Variants in RNF166 observed in about 807,000 individuals in gnomAD.
RNF166 encodes the protein E3 ubiquitin-protein ligase RNF166.
A neutral mutation model predicts 29.4 loss-of-function variants in RNF166; 19 were observed. The ratio of observed to expected loss-of-function variants is 0.65; its 90% CI spans 0.45 to 0.95. RNF166 has a LOEUF of 0.95. Among genes scored for constraint, RNF166 ranks in the 40% least tolerant of loss-of-function variants. The pLI is 0.00. For missense variants in RNF166, 347 were observed against 322.1 expected (o/e 1.08, Z -0.59); for synonymous variants, 171 against 134.5 (o/e 1.27, Z -1.88).
Position 88,705,134 on chromosome 16 carries a change from A to C in RNF166, c.155+1037T>G, listed in dbSNP as rs188043819. Reference sequence around the variant, plus strand: ...CGTGGGCAGGCGCCTGTGCTGCCTGACACAGGTAATGAAGGCAGCTCTGCA... The same window carrying C: ...CGTGGGCAGGCGCCTGTGCTGCCTGCCACAGGTAATGAAGGCAGCTCTGCA... On this transcript the variant is annotated intron_variant, in intron 1 of 5. Coordinates refer to ENST00000312838, the MANE Select transcript of RNF166 (RefSeq NM_178841.4). Among the ~76,000 whole-genome samples, 45 of 152,346 alleles carry C rather than the reference A, an allele frequency of 3.0e-4. No homozygotes were observed. In the East Asian group the frequency reaches 4.4e-3, roughly 15 times the overall value.
intron 5 of RNF166, chr16:88,697,845 G>C (rs941041668): frequency 3.7e-6 from 2 of 536,814 alleles, no homozygotes; most frequent in Non-Finnish European, 6.7e-6. Context: ...CGCTGGGTAC[G>C]GGGGCACTCG....
chr16:88,702,601 C>A (rs1181463184), intron 1 of RNF166, among the ~76,000 whole-genome samples: 1 of 152,244 alleles, frequency 6.6e-6, no homozygotes, highest in African/African-American at 2.4e-5. Context: ...TTAAGTCCCT[C>A]CTGCTGTCCC....
Position 88,696,570 on chromosome 16 carries a change from A to G in RNF166, c.*998T>C. On this transcript the variant is annotated 3_prime_UTR_variant, in exon 6 of 6. Coordinates refer to ENST00000312838, the MANE Select transcript of RNF166 (RefSeq NM_178841.4). The stretch of plus-strand genomic sequence containing the variant: ...CAGCAATAATTAATGCCAAGAACAG[A>G]AAAGAATGTTGACGTGTTGCCCGGC... 2.2e-6 allele frequency: 1 copy of G among 451,522 alleles called. No homozygotes were observed. The highest frequency in any genetic ancestry group is 1.6e-5 in the South Asian group (1 of 63,392). 28.0% of individuals were successfully genotyped at this position (451,522 alleles called of 1,614,324 possible). A position where few individuals can be genotyped will look rare whatever the true frequency, so the allele number is the denominator to read the frequency against.
chr16:88,702,848 C>T lies in RNF166; in HGVS notation c.156-1430G>A, dbSNP rs575031277. 8.7e-5 allele frequency: 86 copies of T among 985,408 alleles called. No individual in the cohort carries two copies. The East Asian group carries it at 1.7e-3, about 20-fold the overall frequency. 61.0% of individuals were successfully genotyped at this position (985,408 alleles called of 1,614,324 possible). A position where few individuals can be genotyped will look rare whatever the true frequency, so the allele number is the denominator to read the frequency against. On this transcript the variant is annotated intron_variant, in intron 1 of 5. Transcript: ENST00000312838. ...CTGGCACTGACCCCTGGATTTGAGC[C>T]GGGGGGGCCGCCTACTTCACCCGTT... is the stretch of plus-strand genomic sequence containing the variant.
At position 88,706,392 on chromosome 16, in the gene RNF166, C is replaced by G; in HGVS notation, c.-67G>C. The G allele has an allele frequency of 8.2e-7, 1 of 1,213,560 alleles. No homozygotes were observed. The highest frequency in any genetic ancestry group is 1.0e-6 in the Non-Finnish European group (1 of 968,504). 75.2% of individuals were successfully genotyped at this position (1,213,560 alleles called of 1,614,324 possible). The stretch of plus-strand genomic sequence containing the variant: ...CCCGGGCCGGCCCGCTAGTCACAGC[C>G]GCTACTGCGCCGCGCTGACGTCATC... On this transcript the variant is annotated 5_prime_UTR_variant, in exon 1 of 6. Transcript: ENST00000312838.
In RNF166 at chr16:88,706,209, G is replaced by C. The variant is rs1050276800; in HGVS notation, c.117C>G (p.Val39=). 28 of 1,314,966 alleles carry C rather than the reference G, an allele frequency of 2.1e-5. No homozygotes were observed. The Admixed American group carries it at 3.9e-4, about 18-fold the overall frequency. 81.5% of individuals were successfully genotyped at this position (1,314,966 alleles called of 1,614,324 possible). The change falls in exon 1 of 6, where the codon GTC becomes GTG. Residue 39 remains valine (V), a synonymous_variant. Coordinates refer to ENST00000312838, the MANE Select transcript of RNF166 (RefSeq NM_178841.4). The part of the protein sequence containing the change: ...AQYTCPICLE[V]YHRPVAIGSC... ...TGCCGATGGCCACGGGCCGGTGATAGACCTCCAGGCAGATGGGGCAGGTGT... is the reference window on the plus strand; with the variant it reads ...TGCCGATGGCCACGGGCCGGTGATACACCTCCAGGCAGATGGGGCAGGTGT...
intron 5 of RNF166, chr16:88,698,059 G>C (rs895875352): frequency 3.6e-6 from 2 of 548,542 alleles, no homozygotes; most frequent in Non-Finnish European, 6.5e-6. Context: ...GGGAGGGGCC[G>C]CACCAGGAGT....
Position 88,706,398 on chromosome 16 carries a change from T to G in RNF166, c.-73A>C, listed in dbSNP as rs933104959. 1.6e-6 allele frequency: 2 copies of G among 1,220,836 alleles called. No individual in the cohort carries two copies. The highest frequency in any genetic ancestry group is 2.1e-6 in the Non-Finnish European group (2 of 971,648). The allele number at this position is 1,220,836 out of a possible 1,614,324, so 75.6% of individuals were successfully genotyped here. A position where few individuals can be genotyped will look rare whatever the true frequency, so the allele number is the denominator to read the frequency against. ...CCGGCCCGCTAGTCACAGCCGCTAC[T>G]GCGCCGCGCTGACGTCATCGTAGGG... On this transcript the variant is annotated 5_prime_UTR_variant, in exon 1 of 6. Coordinates refer to ENST00000312838, the MANE Select transcript of RNF166 (RefSeq NM_178841.4).
At chr16:88,704,800 G>A (rs1335930976) in intron 1 of RNF166, among the ~76,000 whole-genome samples, 1 of 152,186 alleles carries the variant, frequency 6.6e-6, no homozygotes, top group East Asian at 1.9e-4. Flanking sequence ...GACCAGCCTG[G>A]CCAACATGGT....
chr16:88,701,021 G>A (rs1910160820), intron 2 of RNF166: 5 of 1,381,542 alleles, frequency 3.6e-6, no homozygotes, highest in Admixed American at 6.2e-5. Context: ...CCCGGGCTAG[G>A]CGGCTCTGAC....
At chr16:88,697,916 C>T (rs549086748) in intron 5 of RNF166, 20 of 482,822 alleles carry the variant, frequency 4.1e-5, no homozygotes, top group East Asian at 1.8e-4. Flanking sequence ...GTGAGCAGGC[C>T]GGCCAGGGCT....
rs1454281237 is a variant in RNF166 at position 88,701,521 on chromosome 16, A to AG, written c.156-104dup. The stretch of plus-strand genomic sequence containing the variant: ...AGGACCCAGCATTTGTGGGGTCCAC[A>AG]GGGGCAGCTCCCCCTACCGCTGTCG... On this transcript the variant is annotated intron_variant, in intron 1 of 5. Coordinates refer to ENST00000312838, the MANE Select transcript of RNF166 (RefSeq NM_178841.4). 8 of 1,144,318 alleles carry AG rather than the reference A, an allele frequency of 7.0e-6. No individual in the cohort carries two copies. In the Admixed American group the frequency reaches 2.0e-4, roughly 29 times the overall value. 70.9% of individuals were successfully genotyped at this position (1,144,318 alleles called of 1,614,324 possible).
In RNF166 at chr16:88,697,611, GCCT is replaced by G. The variant is rs1567633671; in HGVS notation, c.668_670del (p.Glu223del). ...CAGGGCCAGAGCAGCCTGGAAGGCG[GCCT>G]CCTCGTCAATACTGTAGTCCTGGAG... On this transcript the variant is annotated inframe_deletion, in exon 6 of 6. Transcript: ENST00000312838. 4 of 1,552,104 alleles carry G rather than the reference GCCT, an allele frequency of 2.6e-6. No homozygotes were observed. Among genetic ancestry groups the G allele is most frequent in the Non-Finnish European group, 3.5e-6 (4 of 1,147,704 alleles).
chr16:88,705,786 A>C (rs2142687948), intron 1 of RNF166, among the ~76,000 whole-genome samples: 1 of 152,376 alleles, frequency 6.6e-6, no homozygotes, highest in East Asian at 1.9e-4. Flanking sequence ...ATTTATTTAC[A>C]ACTGCCCATT....
chr16:88,698,979 TG>T lies in RNF166; in HGVS notation c.531del (p.Asn178ThrfsTer93). The T allele has an allele frequency of 1.3e-6, 2 of 1,593,710 alleles. No homozygotes were observed. Among genetic ancestry groups the T allele is most frequent in the South Asian group, 1.1e-5 (1 of 88,262 alleles). ...KHCVESHRSDPNRVVCPICSA... is the reference protein window; with the variant it reads ...KHCVESHRSDXNRVVCPICSA... ...GGGCAGGCACTGCTCACCACGCGGT[TG>T]GGGTCGCTGCGGTGGCTTTCCACAC... On this transcript the variant is annotated frameshift_variant, in exon 4 of 6. Coordinates refer to ENST00000312838, the MANE Select transcript of RNF166 (RefSeq NM_178841.4). LOFTEE classifies it high-confidence loss of function.
chr16:88,702,797 C>T, intron 1 of RNF166: 1 of 985,470 alleles, frequency 1.0e-6, no homozygotes, highest in Non-Finnish European at 1.2e-6. Context: ...CACCAGGCGC[C>T]CCAGCAGATA....
chr16:88,704,201 G>A, intron 1 of RNF166: 3 of 985,482 alleles, frequency 3.0e-6, no homozygotes, highest in Non-Finnish European at 3.6e-6. Context: ...AACCTGAAGA[G>A]CCTTTAAACT....
At chr16:88,702,345 C>T (rs1342910272) in intron 1 of RNF166, among the ~76,000 whole-genome samples, 1 of 152,192 alleles carries the variant, frequency 6.6e-6, no homozygotes, top group Non-Finnish European at 1.5e-5. Context: ...CAGAGCCCCC[C>T]AGTCCCAGGA....
Position 88,697,462 on chromosome 16 carries a change from C to T in RNF166, c.*106G>A, listed in dbSNP as rs146148902. On this transcript the variant is annotated 3_prime_UTR_variant, in exon 6 of 6. Coordinates refer to ENST00000312838, the MANE Select transcript of RNF166 (RefSeq NM_178841.4). ...CCCTTCTGCGCGGGTGCAGGCTCCTCCTGTGAGCTCAGTCCGGTGAGGTGC... is the reference window on the plus strand; with the variant it reads ...CCCTTCTGCGCGGGTGCAGGCTCCTTCTGTGAGCTCAGTCCGGTGAGGTGC... 9.3e-3 allele frequency: 7,607 copies of T among 821,924 alleles called. 55 individuals carry two copies. The highest frequency in any genetic ancestry group is 0.013 in the Non-Finnish European group (6,400 of 509,196). 50.9% of individuals were successfully genotyped at this position (821,924 alleles called of 1,614,324 possible).
Sources: allele counts gnomAD v4.1 joint callset (sites outside exome capture counted in the v4.1 genomes callset), GRCh38; gene constraint gnomAD v4.1.1; transcripts MANE v1.5; gene names NCBI Gene and HGNC (gene_info 2026-07-23, HGNC 2026-07-21).